The following NOP14 variants were observed in gnomAD, a reference collection of about 807,000 sequenced individuals.
The protein encoded by NOP14 is NOP14 nucleolar protein, also known as nucleolar protein 14.
In NOP14, 57 loss-of-function variants were observed where a neutral mutation model predicts 101.6. That is an observed-to-expected ratio of 0.56 (90% CI 0.45 to 0.70). The LOEUF is 0.70. Among genes scored for constraint, NOP14 ranks in the 30% least tolerant of loss-of-function variants. The pLI is 0.00. For missense variants in NOP14, 1,134 were observed against 1,075.5 expected, an observed-to-expected ratio of 1.05 and a Z score of -0.76; for synonymous variants, 428 against 424.0, an observed-to-expected ratio of 1.01 and a Z score of -0.12.
rs1027245300 is a variant in NOP14, at chr4:2,939,462, G to GC, written c.2318+64dup. On this transcript the variant is annotated intron_variant, in intron 16 of 17. Transcript: ENST00000416614. ...CTGCTCAACTGCAGAACTGGCAGAC[G>GC]CCCCCCGTCAGCTCCCACTGAGCCC... is the stretch of plus-strand genomic sequence containing the variant. 8.4e-5 allele frequency: 133 copies of GC among 1,592,386 alleles called. No individual in the cohort carries two copies. The African/African-American group carries it at 1.1e-3, about 13-fold the overall frequency.
chr4:2,950,362 C>G (rs35689142), intron 7 of NOP14, 149 bp from the exon 8 acceptor site: 3 of 779,066 alleles, frequency 3.9e-6, no homozygotes, highest in South Asian at 3.4e-5. Flanking sequence ...CCCACTGGCA[C>G]TAGGCCTCCT....
intron 13 of NOP14, among the ~76,000 whole-genome samples, chr4:2,943,853 C>T (rs1714409475): frequency 6.6e-6 from 1 of 152,226 alleles, no homozygotes; most frequent in Admixed American, 6.5e-5. Context: ...AGACTCTGGC[C>T]CCTGGCAACC....
rs1953670737 is a variant in NOP14 at position 2,942,184 on chromosome 4, T to G, written c.2051+8A>C. 6.2e-7 allele frequency: 1 copy of G among 1,612,450 alleles called. No homozygotes were observed. Among genetic ancestry groups the G allele is most frequent in the African/African-American group, 1.3e-5 (1 of 75,006 alleles). On this transcript the variant is annotated splice_region_variant and intron_variant, in intron 14 of 17. Transcript: ENST00000416614. Reference sequence around the variant, plus strand: ...GCACAGGCCCCAAAGCGGGGTCCCCTCACATACCGGATGTGATTGGCCTCT... The same window carrying G: ...GCACAGGCCCCAAAGCGGGGTCCCCGCACATACCGGATGTGATTGGCCTCT...
At chr4:2,946,250 C>T (rs1015415782) in intron 11 of NOP14, among the ~76,000 whole-genome samples, 162 bp downstream of exon 11, 1 of 151,852 alleles carries the variant, frequency 6.6e-6, no homozygotes, top group Non-Finnish European at 1.5e-5. Flanking sequence ...CCCTCACTGC[C>T]GTGCACTCTC....
chr4:2,947,791 G>A, intron 9 of NOP14, 180 bp from the exon 10 acceptor site: 1 of 616,686 alleles, frequency 1.6e-6, no homozygotes, highest in Admixed American at 2.8e-5. Flanking sequence ...AACTTGCTAA[G>A]CACTAGAAGG....
In NOP14 at chr4:2,956,753, T is replaced by TA; in HGVS notation, c.388dup (p.Tyr130LeufsTer12). On this transcript the variant is annotated frameshift_variant, in exon 3 of 18. Transcript: ENST00000416614. LOFTEE classifies it high-confidence loss of function. Reference sequence around the variant, plus strand: ...CTCGATGTCTGCCAAAGACTGGCCATAATGAGTCAATTCTTCATCTTCATT... The same window carrying TA: ...CTCGATGTCTGCCAAAGACTGGCCATAAATGAGTCAATTCTTCATCTTCATT... 6.2e-7 allele frequency: 1 copy of TA among 1,613,018 alleles called. No homozygotes were observed. The highest frequency in any genetic ancestry group is 8.5e-7 in the Non-Finnish European group (1 of 1,179,446).
At chr4:2,947,463 T>C in intron 10 of NOP14, 63 bp downstream of exon 10, 1 of 1,169,304 alleles carries the variant, frequency 8.6e-7, no homozygotes, top group East Asian at 2.3e-5. Context: ...TTTATGACTC[T>C]AAATGGGAGA....
chr4:2,944,285 G>C, intron 12 of NOP14, 59 bp from the exon 13 acceptor site: 1 of 1,533,286 alleles, frequency 6.5e-7, no homozygotes, highest in Admixed American at 2.0e-5. Context: ...ATGCTAGGCC[G>C]ACCACCGGGC....
chr4:2,950,913 A>C, intron 7 of NOP14: 7 of 505,280 alleles, frequency 1.4e-5, no homozygotes, highest in East Asian at 6.5e-5. Context: ...TGAGCAAGTG[A>C]GTGCACATAC....
At chr4:2,943,169 G>A (rs1714352369) in intron 13 of NOP14, among the ~76,000 whole-genome samples, 1 of 152,262 alleles carries the variant, frequency 6.6e-6, no homozygotes, top group Non-Finnish European at 1.5e-5. Context: ...GGAGCCTTGG[G>A]AGGCAGGTGG....
At position 2,946,408 on chromosome 4, in the gene NOP14, T is replaced by G; in HGVS notation, c.1635+4A>C. On this transcript the variant is annotated splice_donor_region_variant and intron_variant, in intron 11 of 17. Coordinates refer to ENST00000416614, the MANE Select transcript of NOP14 (RefSeq NM_001291978.2). ...GGGCAGTGCCTAGACTGAACTCTGC[T>G]TACCACATCCAACCCTGGCAATGCC... 1 of 1,614,242 alleles carries G rather than the reference T, an allele frequency of 6.2e-7. No homozygotes were observed. The highest frequency in any genetic ancestry group is 8.5e-7 in the Non-Finnish European group (1 of 1,180,028).
chr4:2,948,745 G>A (rs535038378), intron 8 of NOP14, among the ~76,000 whole-genome samples: 15 of 152,286 alleles, frequency 9.8e-5, no homozygotes, highest in African/African-American at 3.1e-4. Context: ...ATGAGCCACC[G>A]CACCTGGCCC....
At position 2,950,149 on chromosome 4, in the gene NOP14, T is replaced by A; in HGVS notation, c.1067A>T (p.Glu356Val). The A allele has an allele frequency of 6.2e-7, 1 of 1,614,200 alleles. No individual in the cohort carries two copies. Among genetic ancestry groups the A allele is most frequent in the Non-Finnish European group, 8.5e-7 (1 of 1,180,042 alleles). Residue 356 changes from glutamate (E) to valine (V), a missense_variant, in exon 8 of 18, where the codon GAG becomes GTG. Physicochemically the swap from Glu to Val is moderately radical, Grantham distance 121. Coordinates refer to ENST00000416614, the MANE Select transcript of NOP14 (RefSeq NM_001291978.2). ...EEQSKEASDPESNEEEGDSSG... is the reference protein window; with the variant it reads ...EEQSKEASDPVSNEEEGDSSG... ...ACTGTCACCTTCTTCCTCGTTGCTC[T>A]CAGGGTCACTGGCTTCCTTGCTTTG...
In NOP14 at chr4:2,952,189, C is replaced by T. The variant is rs1715068934; in HGVS notation, c.870+86G>A. The T allele has an allele frequency of 1.7e-5, 24 of 1,378,532 alleles. No individual in the cohort carries two copies. In the South Asian group the frequency reaches 3.0e-4, roughly 17 times the overall value. The allele number at this position is 1,378,532 out of a possible 1,614,324, so 85.4% of individuals were successfully genotyped here. ...TATTCCACTGATCAAACAGAGTATT[C>T]TCTTCAGCCCATCCTGCAAAATGGA... On this transcript the variant is annotated intron_variant, in intron 6 of 17. Transcript: ENST00000416614.
intron 1 of NOP14, among the ~76,000 whole-genome samples, chr4:2,960,694 C>T (rs9686032): frequency 0.38 from 42,730 of 113,462 alleles, 8,906 homozygotes; most frequent in African/African-American, 0.49. Flanking sequence ...ATATTATAAT[C>T]ACATTAATAT....
intron 10 of NOP14, chr4:2,946,879 C>T: frequency 3.1e-6 from 1 of 326,736 alleles, no homozygotes; most frequent in Middle Eastern, 9.9e-4. Flanking sequence ...ACAGGTACTT[C>T]TTTGATAGTG....
chr4:2,950,205 C>T lies in NOP14; in HGVS notation c.1011G>A (p.Lys337=), dbSNP rs372856535. 4.3e-6 allele frequency: 7 copies of T among 1,613,520 alleles called. No homozygotes were observed. In the African/African-American group the frequency reaches 6.7e-5, roughly 15 times the overall value. The change falls in exon 8 of 18, where the codon AAG becomes AAA. Residue 337 remains lysine (K), a synonymous_variant. Coordinates refer to ENST00000416614, the MANE Select transcript of NOP14 (RefSeq NM_001291978.2). The part of the protein sequence containing the change: ...DRRLLSYKDG[K]MNVEEDVQEE... ...CCTGGACATCTTCCTCGACATTCAT[C>T]TTTCCATCCTACCAAGAGCGTGGAA...
chr4:2,951,232 C>T lies in NOP14; in HGVS notation c.884G>A (p.Arg295Gln), dbSNP rs778971870. The change falls in exon 7 of 18, where the codon CGA (arginine) becomes CAA (glutamine). Residue 295 changes from arginine (R) to glutamine (Q), a missense_variant. Transcript: ENST00000416614. ...HLRKLEAERL[R>Q]RMLGKDEDEN... The stretch of plus-strand genomic sequence containing the variant: ...ATCCTCATCCTTTCCAAGCATTCTT[C>T]GAAGTCTCTCAGCCTGAGCAGGAAG... The T allele has an allele frequency of 3.9e-5, 63 of 1,613,706 alleles. No individual in the cohort carries two copies. The highest frequency in any genetic ancestry group is 2.2e-4 in the Admixed American group (13 of 59,988).
chr4:2,951,257 G>A lies in NOP14; in HGVS notation c.871-12C>T, dbSNP rs778374491. 2 of 1,612,962 alleles carry A rather than the reference G, an allele frequency of 1.2e-6. No individual in the cohort carries two copies. Among genetic ancestry groups the A allele is most frequent in the Non-Finnish European group, 1.7e-6 (2 of 1,179,464 alleles). ...CGAAGTCTCTCAGCCTGAGCAGGAA[G>A]GAATGAGATGTCTTAGAGCACACTC... On this transcript the variant is annotated splice_polypyrimidine_tract_variant and intron_variant, in intron 6 of 17. Transcript: ENST00000416614.
Sources: gnomAD v4.1 joint callset for allele counts (sites outside exome capture counted in the v4.1 genomes callset) on GRCh38, gnomAD v4.1.1 for gene constraint, MANE v1.5 for transcripts, NCBI Gene and HGNC (gene_info 2026-07-23, HGNC 2026-07-21) for gene names.